Variants in LIN7A observed in about 807,000 individuals in gnomAD.
LIN7A encodes lin-7 cell polarity scaffold A.
LIN7A carries 25 observed loss-of-function variants against 29.8 expected under a neutral mutation model. The ratio of observed to expected loss-of-function variants is 0.84; its 90% CI spans 0.61 to 1.17. The LOEUF (loss-of-function observed/expected upper bound fraction) is 1.17, where lower values mean the gene tolerates loss of function less well. Among genes scored for constraint, LIN7A ranks in the 50% most tolerant of loss-of-function variants. LIN7A has a pLI of 0.00. For synonymous variants in LIN7A, 118 were observed against 107.5 expected (o/e 1.10, Z -0.60); for missense variants, 239 against 287.0 (o/e 0.83, Z 1.21).
chr12:80,880,124 T>C (rs1437354268), intron 2 of LIN7A, among the ~76,000 whole-genome samples: 1 of 152,202 alleles, frequency 6.6e-6, no homozygotes, highest in African/African-American at 2.4e-5. Flanking sequence ...TTGCCCTCAC[T>C]AAAGTCTTTC....
At chr12:80,921,960 A>G (rs946386697) in intron 1 of LIN7A, among the ~76,000 whole-genome samples, 2 of 152,208 alleles carry the variant, frequency 1.3e-5, no homozygotes, top group Admixed American at 1.3e-4. Flanking sequence ...CAAAATAAGT[A>G]TCTCAGAATT....
At chr12:80,809,775 C>T (rs1482781900) in intron 5 of LIN7A, among the ~76,000 whole-genome samples, 1 of 151,944 alleles carries the variant, frequency 6.6e-6, no homozygotes, top group African/African-American at 2.4e-5. Flanking sequence ...TACAGCAAAA[C>T]CTGATTTAGT....
intron 2 of LIN7A, among the ~76,000 whole-genome samples, chr12:80,874,364 A>C: frequency 6.6e-6 from 1 of 152,228 alleles, no homozygotes; most frequent in East Asian, 1.9e-4. Flanking sequence ...TAAAGTTTGG[A>C]CTTAAAAATA....
chr12:80,814,971 C>G (rs1057324995), intron 4 of LIN7A, among the ~76,000 whole-genome samples: 1 of 152,140 alleles, frequency 6.6e-6, no homozygotes, highest in Non-Finnish European at 1.5e-5. Flanking sequence ...TAACATCCTA[C>G]AAATTATATA....
rs372715914 is a variant in LIN7A, at chr12:80,841,810, G to A, written c.483+3920C>T. ...TCCTTGAGTTCTCTCTTAAAATTGC[G>A]GAGAAAACACTTGAGCATAAAAGGG... On this transcript the variant is annotated intron_variant, in intron 4 of 5. Transcript: ENST00000552864. The A allele has an allele frequency of 6.8e-5, 55 of 812,258 alleles. 1 individual carries two copies. Among genetic ancestry groups the A allele is most frequent in the Middle Eastern group, 6.1e-4 (1 of 1,642 alleles). The allele number at this position is 812,258 out of a possible 1,614,324, so 50.3% of individuals were successfully genotyped here.
chr12:80,879,810 C>T (rs1432467050), intron 2 of LIN7A, among the ~76,000 whole-genome samples: 6 of 152,120 alleles, frequency 3.9e-5, no homozygotes, highest in Non-Finnish European at 5.9e-5. Context: ...CAGTATCAAA[C>T]AGAATTAAAT....
Position 80,937,826 on chromosome 12 carries a change from G to A in LIN7A, c.-104C>T. The A allele has an allele frequency of 1.2e-6, 1 of 851,892 alleles. No homozygotes were observed. Among genetic ancestry groups the A allele is most frequent in the Middle Eastern group, 3.5e-4 (1 of 2,840 alleles). The allele number at this position is 851,892 out of a possible 1,614,324, so 52.8% of individuals were successfully genotyped here. A position where few individuals can be genotyped will look rare whatever the true frequency, so the allele number is the denominator to read the frequency against. On this transcript the variant is annotated 5_prime_UTR_variant, in exon 1 of 6. Transcript: ENST00000552864. Reference sequence around the variant, plus strand: ...AGGGGGAAGGAAGGAAGGTGGTGGTGGTGGAGAAGAAAGCTTGGGTGGGTT... The same window carrying A: ...AGGGGGAAGGAAGGAAGGTGGTGGTAGTGGAGAAGAAAGCTTGGGTGGGTT...
chr12:80,807,091 T>TGTTTTTTTTTTTTTG (rs1871076069), intron 5 of LIN7A, among the ~76,000 whole-genome samples: 1 of 143,550 alleles, frequency 7.0e-6, no homozygotes, highest in South Asian at 2.3e-4. Flanking sequence ...TTTTTTTTTT[T>TGTTTTTTTTTTTTTG]GACGGAGTCT....
chr12:80,832,472 G>C (rs1399053102), intron 4 of LIN7A: 1 of 452,960 alleles, frequency 2.2e-6, no homozygotes, highest in Non-Finnish European at 4.5e-6. Flanking sequence ...CAACTCTGGT[G>C]CTCCTCCACA....
At chr12:80,910,538 TGA>T (rs964870816) in intron 1 of LIN7A, among the ~76,000 whole-genome samples, 5 of 152,196 alleles carry the variant, frequency 3.3e-5, no homozygotes, top group African/African-American at 1.2e-4. Context: ...AACCCTTTAT[TGA>T]GAGAGCTTTC....
chr12:80,839,150 C>T (rs952105638), intron 4 of LIN7A, among the ~76,000 whole-genome samples: 3 of 152,160 alleles, frequency 2.0e-5, no homozygotes, highest in Non-Finnish European at 4.4e-5. Flanking sequence ...CTTATGCAAA[C>T]CCATAAAGGC....
chr12:80,866,671 CTA>C (rs1297817004), intron 2 of LIN7A, among the ~76,000 whole-genome samples: 1 of 151,992 alleles, frequency 6.6e-6, no homozygotes, highest in Non-Finnish European at 1.5e-5. Context: ...CAAAAGCACT[CTA>C]TGTGATTCCC....
chr12:80,876,052 TACACACAC>T (rs67035673), intron 2 of LIN7A, among the ~76,000 whole-genome samples: 7 of 148,224 alleles, frequency 4.7e-5, no homozygotes, highest in African/African-American at 1.5e-4. Context: ...ATTATTTTTA[TACACACAC>T]ACACACACAC....
At chr12:80,868,394 C>T (rs975212714) in intron 2 of LIN7A, among the ~76,000 whole-genome samples, 5 of 152,316 alleles carry the variant, frequency 3.3e-5, no homozygotes, top group Admixed American at 3.3e-4. Context: ...AATGGAGACA[C>T]CCCATCTCTA....
intron 2 of LIN7A, among the ~76,000 whole-genome samples, chr12:80,888,902 T>G (rs1875476204): frequency 1.3e-5 from 2 of 152,132 alleles, no homozygotes; most frequent in South Asian, 4.1e-4. Flanking sequence ...TAGTTAGATG[T>G]TCTTTTTAGA....
intron 1 of LIN7A, among the ~76,000 whole-genome samples, chr12:80,913,424 T>G (rs1565926808): frequency 6.6e-6 from 1 of 152,160 alleles, no homozygotes. Flanking sequence ...ATGCTGCTTA[T>G]AGGAGGGTGG....
At chr12:80,913,135 A>G (rs752421159) in intron 1 of LIN7A, among the ~76,000 whole-genome samples, 4 of 152,110 alleles carry the variant, frequency 2.6e-5, no homozygotes, top group Admixed American at 6.5e-5. Context: ...TCTGTTCCTT[A>G]TTTCTCTTCC....
chr12:80,815,535 T>G (rs1264255383), intron 4 of LIN7A, among the ~76,000 whole-genome samples: 3 of 152,212 alleles, frequency 2.0e-5, no homozygotes. Flanking sequence ...TTATAAACAG[T>G]TAAGCTATTT....
rs188356460 is a variant in LIN7A at position 80,904,381 on chromosome 12, G to A, written c.83-15012C>T. 1.6e-3 allele frequency among the ~76,000 whole-genome samples: 237 copies of A among 152,130 alleles called. 2 individuals carry two copies. Among genetic ancestry groups the A allele is most frequent in the Admixed American group, 0.012 (186 of 15,290 alleles). Reference sequence around the variant, plus strand: ...CAATGTTACTAATTAAAGTCACCACGTTTAATGATAAATTTCTTAAACTTA... The same window carrying A: ...CAATGTTACTAATTAAAGTCACCACATTTAATGATAAATTTCTTAAACTTA... On this transcript the variant is annotated intron_variant, in intron 1 of 5. Transcript: ENST00000552864.
Sources: gnomAD v4.1 joint callset for allele counts (sites outside exome capture counted in the v4.1 genomes callset) on GRCh38, gnomAD v4.1.1 for gene constraint, MANE v1.5 for transcripts, NCBI Gene and HGNC (gene_info 2026-07-23, HGNC 2026-07-21) for gene names.